GPC5: variants seen among roughly 807,000 people sequenced by gnomAD.
GPC5 encodes the protein glypican-5.
A neutral mutation model predicts 53.9 loss-of-function variants in GPC5; 47 were observed. That is an observed-to-expected ratio of 0.87 (90% CI 0.69 to 1.11). The LOEUF is 1.11. GPC5 is among the 50% of genes most tolerant of loss of function. The pLI is 0.00. For missense variants in GPC5, 748 were observed against 713.1 expected (o/e 1.05, Z -0.56); for synonymous variants, 286 against 263.3 (o/e 1.09, Z -0.84).
At chr13:91,808,142 T>C (rs115941279) in intron 5 of GPC5, among the ~76,000 whole-genome samples, 284 of 152,292 alleles carry the variant, frequency 1.9e-3, no homozygotes, top group African/African-American at 6.7e-3. Context: ...ATACTACATG[T>C]AGTATGGCCC....
intron 7 of GPC5, among the ~76,000 whole-genome samples, chr13:92,286,747 AG>A (rs1270255010): frequency 1.6e-5 from 1 of 64,088 alleles, no homozygotes; most frequent in Admixed American, 2.0e-4. Context: ...GGGTTGGGGG[AG>A]GGGGGAGGGA....
chr13:91,850,011 C>A (rs1327113288), intron 5 of GPC5, among the ~76,000 whole-genome samples: 1 of 152,122 alleles, frequency 6.6e-6, no homozygotes, highest in Non-Finnish European at 1.5e-5. Context: ...TTTCTTCTCC[C>A]AGTATATCAA....
intron 7 of GPC5, among the ~76,000 whole-genome samples, chr13:92,297,168 C>T (rs2043042485): frequency 1.3e-5 from 2 of 152,230 alleles, no homozygotes; most frequent in African/African-American, 4.8e-5. Context: ...ATATGTAGCT[C>T]AGGGATTGTA....
chr13:91,418,502 G>C (rs1050202346), intron 1 of GPC5, among the ~76,000 whole-genome samples: 1 of 152,170 alleles, frequency 6.6e-6, no homozygotes, highest in Admixed American at 6.5e-5. Flanking sequence ...CTGCAGGAAA[G>C]AAAAGGCTAG....
At chr13:91,790,906 C>G (rs1276701854) in intron 5 of GPC5, among the ~76,000 whole-genome samples, 1 of 152,120 alleles carries the variant, frequency 6.6e-6, no homozygotes, top group Non-Finnish European at 1.5e-5. Context: ...TGCTGGTGTA[C>G]TCCATACCCG....
At chr13:92,741,946 G>A (rs1889109200) in intron 7 of GPC5, among the ~76,000 whole-genome samples, 1 of 151,932 alleles carries the variant, frequency 6.6e-6, no homozygotes, top group Non-Finnish European at 1.5e-5. Flanking sequence ...AGTATTCCAT[G>A]GTGTATATGT....
intron 7 of GPC5, among the ~76,000 whole-genome samples, chr13:92,287,306 G>T (rs559231585): frequency 1.3e-5 from 2 of 152,154 alleles, no homozygotes; most frequent in African/African-American, 4.8e-5. Context: ...AATGTTCCTT[G>T]TACACTGGAG....
chr13:92,013,304 G>T (rs902239389), intron 6 of GPC5, among the ~76,000 whole-genome samples: 5 of 152,144 alleles, frequency 3.3e-5, no homozygotes, highest in Non-Finnish European at 7.4e-5. Context: ...GCTGGAGAGG[G>T]GATGGGATGG....
intron 6 of GPC5, among the ~76,000 whole-genome samples, chr13:92,090,856 A>T: frequency 6.6e-6 from 1 of 152,242 alleles, no homozygotes; most frequent in East Asian, 1.9e-4. Context: ...AGTTCAAAAT[A>T]TCCAAAAAAT....
chr13:92,484,017 G>A (rs7331009), intron 7 of GPC5, among the ~76,000 whole-genome samples: 123,034 of 152,076 alleles, frequency 0.81, 49,959 homozygotes, highest in East Asian at 0.94. Flanking sequence ...ATGCACAGGT[G>A]GTCATAACTA....
At chr13:91,686,375 C>T (rs1442595089) in intron 2 of GPC5, among the ~76,000 whole-genome samples, 3 of 151,930 alleles carry the variant, frequency 2.0e-5, no homozygotes, top group East Asian at 1.9e-4. Context: ...AAGGCTAATT[C>T]TTGATGATAC....
intron 7 of GPC5, among the ~76,000 whole-genome samples, chr13:92,281,535 C>T (rs1190084260): frequency 1.3e-5 from 2 of 152,110 alleles, no homozygotes; most frequent in Admixed American, 6.5e-5. Context: ...GCTGGGTACC[C>T]CTCTGAGACG....
At chr13:92,845,726 T>A (rs1594545866) in intron 7 of GPC5, among the ~76,000 whole-genome samples, 2 of 152,224 alleles carry the variant, frequency 1.3e-5, no homozygotes, top group East Asian at 3.9e-4. Context: ...TCTATACCGA[T>A]TTACAGTAGA....
intron 7 of GPC5, among the ~76,000 whole-genome samples, chr13:92,666,478 A>G (rs1933189): frequency 0.016 from 2,374 of 151,920 alleles, 78 homozygotes; most frequent in African/African-American, 0.054. Context: ...TGTTCTAATT[A>G]AAAAAATGCT....
chr13:91,705,161 C>G (rs976380908), intron 3 of GPC5, among the ~76,000 whole-genome samples: 3 of 152,154 alleles, frequency 2.0e-5, no homozygotes, highest in Admixed American at 2.0e-4. Flanking sequence ...CTTCACATTT[C>G]AGGAATGTGT....
rs568469980 is a variant in GPC5, at chr13:92,129,173, G to C, written c.1402-15657G>C. Among the ~76,000 whole-genome samples, 109 of 152,244 alleles carry C rather than the reference G, an allele frequency of 7.2e-4. 1 individual carries two copies. The highest frequency in any genetic ancestry group is 5.1e-4 in the Non-Finnish European group (35 of 68,026). On this transcript the variant is annotated intron_variant, in intron 6 of 7. Transcript: ENST00000377067. ...TCTCCAACAGAATTTTGAGACTAAT[G>C]AGATTAAATCTGAGACTAATTTTGA...
At position 92,114,532 on chromosome 13, in the gene GPC5, A is replaced by G. The variant is rs1465800174; in HGVS notation, c.1402-30298A>G. Among the ~76,000 whole-genome samples, 3 of 152,228 alleles carry G rather than the reference A, an allele frequency of 2.0e-5. No individual in the cohort carries two copies. In the South Asian group the frequency reaches 6.2e-4, roughly 31 times the overall value. The stretch of plus-strand genomic sequence containing the variant: ...GAATGGCGGCAAATAAATTGCTCCT[A>G]GAGTAATCAGAAGATTAAAGGGGAA... On this transcript the variant is annotated intron_variant, in intron 6 of 7. Coordinates refer to ENST00000377067, the MANE Select transcript of GPC5 (RefSeq NM_004466.6).
At chr13:91,456,618 G>A (rs902832470) in intron 2 of GPC5, among the ~76,000 whole-genome samples, 4 of 151,748 alleles carry the variant, frequency 2.6e-5, no homozygotes, top group Non-Finnish European at 5.9e-5. Context: ...TATATATCAA[G>A]GGAAAATTGT....
chr13:92,209,092 T>G (rs1002063276), intron 7 of GPC5, among the ~76,000 whole-genome samples: 2 of 152,244 alleles, frequency 1.3e-5, no homozygotes, highest in African/African-American at 2.4e-5. Context: ...AATCTATATT[T>G]TATTATGAAA....
Sources: allele counts gnomAD v4.1 joint callset (sites outside exome capture counted in the v4.1 genomes callset), GRCh38; gene constraint gnomAD v4.1.1; transcripts MANE v1.5; gene names NCBI Gene and HGNC (gene_info 2026-07-23, HGNC 2026-07-21).